The following GRIN3A variants were observed in gnomAD, a reference collection of about 807,000 sequenced individuals.
GRIN3A encodes glutamate receptor ionotropic, NMDA 3A.
In GRIN3A, 47 loss-of-function variants were observed where a neutral mutation model predicts 92.4. The ratio of observed to expected loss-of-function variants is 0.51; its 90% CI spans 0.40 to 0.65. GRIN3A has a LOEUF of 0.65. Among genes scored for constraint, GRIN3A ranks in the 30% least tolerant of loss-of-function variants. The pLI is 0.00. For missense variants in GRIN3A, 1,324 were observed against 1,393.1 expected (o/e 0.95, Z 0.79); for synonymous variants, 527 against 540.6 (o/e 0.97, Z 0.35).
At chr9:101,708,311 G>A (rs940752974) in intron 1 of GRIN3A, among the ~76,000 whole-genome samples, 1 of 152,148 alleles carries the variant, frequency 6.6e-6, no homozygotes, top group African/African-American at 2.4e-5. Flanking sequence ...GCAATGTGTT[G>A]TCCAGTGTTG....
intron 3 of GRIN3A, among the ~76,000 whole-genome samples, chr9:101,667,086 T>A (rs1235044592): frequency 6.6e-6 from 1 of 151,994 alleles, no homozygotes; most frequent in East Asian, 1.9e-4. Flanking sequence ...CAGACTTGGA[T>A]CTTATCTCCT....
intron 6 of GRIN3A, among the ~76,000 whole-genome samples, chr9:101,602,680 T>C (rs1828226812): frequency 6.6e-6 from 1 of 152,248 alleles, no homozygotes; most frequent in Non-Finnish European, 1.5e-5. Context: ...CAAGTATCTC[T>C]GGCATATAAA....
chr9:101,570,831 GCTTTA>G lies in GRIN3A; in HGVS notation c.*2338_*2342del, dbSNP rs911232123. ...ATAATTAATTGCATTACAAAAGGGT[GCTTTA>G]CTTTACAAAAGAATTCACTTCTGGG... On this transcript the variant is annotated 3_prime_UTR_variant, in exon 9 of 9. Coordinates refer to ENST00000361820, the MANE Select transcript of GRIN3A (RefSeq NM_133445.3). 4 of 152,618 alleles carry G rather than the reference GCTTTA, an allele frequency of 2.6e-5. No homozygotes were observed. The highest frequency in any genetic ancestry group is 5.9e-5 in the Non-Finnish European group (4 of 68,040). The allele number at this position is 152,618 out of a possible 1,614,324, so 9.5% of individuals were successfully genotyped here.
intron 2 of GRIN3A, among the ~76,000 whole-genome samples, chr9:101,674,100 A>G (rs980099412): frequency 1.3e-5 from 2 of 152,088 alleles, no homozygotes; most frequent in Non-Finnish European, 2.9e-5. Context: ...GGCCAGAGAC[A>G]GAGAGTGTGA....
chr9:101,683,419 T>G (rs1176086668), intron 2 of GRIN3A, among the ~76,000 whole-genome samples: 1 of 152,218 alleles, frequency 6.6e-6, no homozygotes, highest in African/African-American at 2.4e-5. Context: ...TATGCAGATG[T>G]GACTTATGGA....
chr9:101,622,063 C>A (rs1200095464), intron 5 of GRIN3A, among the ~76,000 whole-genome samples: 1 of 152,178 alleles, frequency 6.6e-6, no homozygotes, highest in Non-Finnish European at 1.5e-5. Flanking sequence ...TTTCTGAGTT[C>A]CATCCCTGCT....
rs781264833 is a variant in GRIN3A at position 101,579,185 on chromosome 9, G to T, written c.2931+11C>A. 6.2e-7 allele frequency: 1 copy of T among 1,613,370 alleles called. No homozygotes were observed. Among genetic ancestry groups the T allele is most frequent in the Non-Finnish European group, 8.5e-7 (1 of 1,179,544 alleles). On this transcript the variant is annotated intron_variant, in intron 7 of 8. Transcript: ENST00000361820. ...TTAAGAATATTGGAGCAAGACACCT[G>T]TGGCACTCACCTGGCTGGTGTGGAG...
intron 6 of GRIN3A, among the ~76,000 whole-genome samples, chr9:101,591,241 A>G (rs1446446942): frequency 6.6e-6 from 1 of 152,224 alleles, no homozygotes. Flanking sequence ...AATGCATAGA[A>G]CCAAAGAGGT....
At position 101,611,338 on chromosome 9, in the gene GRIN3A, C is replaced by T. The variant is rs560693891; in HGVS notation, c.2766+2038G>A. On this transcript the variant is annotated intron_variant, in intron 6 of 8. Coordinates refer to ENST00000361820, the MANE Select transcript of GRIN3A (RefSeq NM_133445.3). ...CCTTTGTTGTCACGTGGACTTTTTC[C>T]CTGTATGTCTCTCCACAGGGTCTCC... Among the ~76,000 whole-genome samples the T allele has an allele frequency of 2.8e-4, 42 of 152,098 alleles. 1 individual carries two copies. The highest frequency in any genetic ancestry group is 6.8e-3 in the Middle Eastern group (2 of 294).
intron 1 of GRIN3A, among the ~76,000 whole-genome samples, chr9:101,691,412 T>C (rs190802057): frequency 3.3e-5 from 5 of 152,258 alleles, no homozygotes; most frequent in African/African-American, 1.2e-4. Context: ...GAAATATTAA[T>C]TTAGTAATTA....
chr9:101,641,482 G>C (rs1828862459), intron 3 of GRIN3A, among the ~76,000 whole-genome samples: 1 of 152,102 alleles, frequency 6.6e-6, no homozygotes, highest in Non-Finnish European at 1.5e-5. Flanking sequence ...CCTTTGTAGG[G>C]ACATGGATGA....
chr9:101,738,072 G>C lies in GRIN3A; in HGVS notation c.-93C>G. 1 of 1,088,744 alleles carries C rather than the reference G, an allele frequency of 9.2e-7. No homozygotes were observed. Among genetic ancestry groups the C allele is most frequent in the Non-Finnish European group, 1.3e-6 (1 of 740,796 alleles). 67.4% of individuals were successfully genotyped at this position (1,088,744 alleles called of 1,614,324 possible). ...TGAGGTCTCCGCCTCCAGGTCCCGCGCGCAGCTTCACTCCACTCGGTGAAG... is the reference window on the plus strand; with the variant it reads ...TGAGGTCTCCGCCTCCAGGTCCCGCCCGCAGCTTCACTCCACTCGGTGAAG... On this transcript the variant is annotated 5_prime_UTR_variant, in exon 1 of 9. Transcript: ENST00000361820.
chr9:101,665,493 G>A (rs1171174688), intron 3 of GRIN3A, among the ~76,000 whole-genome samples: 4 of 151,834 alleles, frequency 2.6e-5, no homozygotes, highest in African/African-American at 4.8e-5. Flanking sequence ...TAGTGAAAAC[G>A]GGATGAAAAT....
intron 6 of GRIN3A, among the ~76,000 whole-genome samples, chr9:101,585,415 G>C (rs1461215812): frequency 2.0e-5 from 3 of 152,018 alleles, no homozygotes; most frequent in Non-Finnish European, 4.4e-5. Flanking sequence ...CCAAGAGTTG[G>C]GGGCTTTTCT....
intron 1 of GRIN3A, among the ~76,000 whole-genome samples, chr9:101,724,374 TGCCCAGGGCCGGCAGGGCCGGCCC>T (rs1260969898): frequency 6.6e-6 from 1 of 151,878 alleles, no homozygotes; most frequent in Non-Finnish European, 1.5e-5. Context: ...AGCCCCTCAT[TGCCCAGGGCCGGCAGGGCCGGCCC>T]GCTGCTCCGA....
intron 3 of GRIN3A, among the ~76,000 whole-genome samples, chr9:101,628,747 T>C (rs1014414039): frequency 7.2e-5 from 11 of 152,232 alleles, no homozygotes; most frequent in African/African-American, 2.4e-4. Flanking sequence ...ACATTCATAA[T>C]AAAGATTATG....
intron 5 of GRIN3A, among the ~76,000 whole-genome samples, chr9:101,622,927 G>A (rs1828577413): frequency 6.6e-6 from 1 of 151,648 alleles, no homozygotes; most frequent in Non-Finnish European, 1.5e-5. Flanking sequence ...TGAGGCAGGA[G>A]GATCACTTGA....
chr9:101,627,617 C>A (rs914785960), intron 4 of GRIN3A, among the ~76,000 whole-genome samples: 1 of 152,090 alleles, frequency 6.6e-6, no homozygotes, highest in Non-Finnish European at 1.5e-5. Context: ...TCCCTTTTCT[C>A]AGGAAGACTA....
chr9:101,711,012 T>G (rs187830140), intron 1 of GRIN3A, among the ~76,000 whole-genome samples: 1 of 152,306 alleles, frequency 6.6e-6, no homozygotes, highest in African/African-American at 2.4e-5. Flanking sequence ...CAATATACTG[T>G]AATAAAAGTT....
Sources: gnomAD v4.1 joint callset for allele counts (sites outside exome capture counted in the v4.1 genomes callset) on GRCh38, gnomAD v4.1.1 for gene constraint, MANE v1.5 for transcripts, NCBI Gene and HGNC (gene_info 2026-07-23, HGNC 2026-07-21) for gene names.